SLC5A4: variants seen among roughly 807,000 people sequenced by gnomAD.
SLC5A4 encodes the protein solute carrier family 5 member 4, also known as probable glucose sensor protein SLC5A4.
In SLC5A4, 55 loss-of-function variants were observed where a neutral mutation model predicts 70.3. The ratio of observed to expected loss-of-function variants is 0.78; its 90% confidence interval spans 0.63 to 0.98. SLC5A4 has a LOEUF of 0.98. Ranked by LOEUF, SLC5A4 falls within the 50% of genes least tolerant of loss-of-function variation. SLC5A4 has a pLI of 0.00. For synonymous variants in SLC5A4, 268 were observed against 305.7 expected (o/e 0.88, Z 1.29); for missense variants, 735 against 839.2 (o/e 0.88, Z 1.53).
chr22:32,260,266 G>T (rs1183061425), upstream of SLC5A4, among the ~76,000 whole-genome samples: 2 of 129,960 alleles, frequency 1.5e-5, no homozygotes, highest in Non-Finnish European at 3.2e-5. Flanking sequence ...CAGCAGAGGT[G>T]GGGGTGCTTA....
the SLC5A4 span, among the ~76,000 whole-genome samples, chr22:32,344,966 T>G: frequency 2.0e-5 from 3 of 152,132 alleles, no homozygotes; most frequent in Admixed American, 2.0e-4. Flanking sequence ...TACAGCTAAT[T>G]TAAGAAAAAC....
Position 32,229,088 on chromosome 22 carries a change from A to T in SLC5A4, c.1280+106T>A, listed in dbSNP as rs1483837644. 3.8e-6 allele frequency: 4 copies of T among 1,040,106 alleles called. No homozygotes were observed. In the East Asian group the frequency reaches 9.7e-5, roughly 25 times the overall value. 64.4% of individuals were successfully genotyped at this position (1,040,106 alleles called of 1,614,324 possible). ...ACTCCAATGTCTCTTCCCTCTACCC[A>T]GATGCTATGATTACTTTCACCAAAG... On this transcript the variant is annotated intron_variant, in intron 11 of 14. Coordinates refer to ENST00000266086, the MANE Select transcript of SLC5A4 (RefSeq NM_014227.3).
At chr22:32,304,906 T>G in the SLC5A4 span, among the ~76,000 whole-genome samples, 57 of 152,152 alleles carry the variant, frequency 3.7e-4, no homozygotes, top group African/African-American at 1.3e-3. Context: ...TTTTGTGGAG[T>G]GTAAAGTCTG....
chr22:32,341,676 T>C, the SLC5A4 span, among the ~76,000 whole-genome samples: 1 of 152,224 alleles, frequency 6.6e-6, no homozygotes. Flanking sequence ...TGAGTAATTC[T>C]GAAGTCCTAT....
the SLC5A4 span, among the ~76,000 whole-genome samples, chr22:32,337,851 AGAT>A: frequency 0.16 from 23,883 of 152,200 alleles, 2,287 homozygotes; most frequent in East Asian, 0.47. Flanking sequence ...TTGCCAGCAC[AGAT>A]GATAGGTAAA....
chr22:32,352,676 C>G, the SLC5A4 span, among the ~76,000 whole-genome samples: 1 of 152,278 alleles, frequency 6.6e-6, no homozygotes, highest in East Asian at 1.9e-4. Context: ...TCCGACCTGC[C>G]TTCCCGGCCC....
the SLC5A4 span, among the ~76,000 whole-genome samples, chr22:32,315,274 T>A: frequency 6.6e-6 from 1 of 150,760 alleles, no homozygotes; most frequent in African/African-American, 2.5e-5. Flanking sequence ...CAGAGAAGAA[T>A]GAAACAAAAC....
chr22:32,329,091 G>A, the SLC5A4 span, among the ~76,000 whole-genome samples: 13 of 152,374 alleles, frequency 8.5e-5, no homozygotes, highest in Non-Finnish European at 1.3e-4. Context: ...GTGAGCTGGC[G>A]TCTGGATCAG....
the SLC5A4 span, among the ~76,000 whole-genome samples, chr22:32,292,133 TTATATATTATATTCTATATATTA>T: frequency 4.2e-3 from 154 of 36,914 alleles, 17 homozygotes; most frequent in East Asian, 4.4e-3. Flanking sequence ...ATACTAGATA[TTATATATTATATTCTATATATTA>T]TATATATAAT....
chr22:32,276,714 C>G, the SLC5A4 span: 5 of 152,130 alleles, frequency 3.3e-5, no homozygotes, highest in African/African-American at 1.2e-4. Context: ...AAAATGGAAG[C>G]TGAATCATAA....
chr22:32,237,216 G>A, intron 7 of SLC5A4, 28 bp downstream of exon 7: 1 of 1,528,112 alleles, frequency 6.5e-7, no homozygotes, highest in Non-Finnish European at 9.0e-7. Flanking sequence ...TCCAGGCCCT[G>A]GGCACTGCAC....
chr22:32,325,839 G>A, the SLC5A4 span, among the ~76,000 whole-genome samples: 1 of 152,362 alleles, frequency 6.6e-6, no homozygotes, highest in African/African-American at 2.4e-5. Context: ...AGCTAGCAGT[G>A]GAGCTTGGCC....
the SLC5A4 span, among the ~76,000 whole-genome samples, chr22:32,262,099 TC>T: frequency 6.6e-6 from 1 of 152,354 alleles, no homozygotes; most frequent in African/African-American, 2.4e-5. Flanking sequence ...TGCTTCCACA[TC>T]TTGGCTATTG....
At chr22:32,285,813 T>C in the SLC5A4 span, among the ~76,000 whole-genome samples, 6 of 152,210 alleles carry the variant, frequency 3.9e-5, no homozygotes, top group African/African-American at 1.4e-4. Flanking sequence ...CTCGGCTCAC[T>C]GCAAGCTCCG....
intron 11 of SLC5A4, among the ~76,000 whole-genome samples, chr22:32,226,097 C>T (rs1191193454): frequency 6.6e-6 from 1 of 152,158 alleles, no homozygotes; most frequent in African/African-American, 2.4e-5. Context: ...TGATTAATAA[C>T]TCCAATACAC....
chr22:32,271,088 C>T, the SLC5A4 span: 10 of 586,562 alleles, frequency 1.7e-5, no homozygotes, highest in Admixed American at 1.3e-4. Context: ...GGAGGTGGCC[C>T]GAAGAAGCAG....
At chr22:32,220,526 T>G (rs1163938316) in intron 14 of SLC5A4, among the ~76,000 whole-genome samples, 1 of 152,166 alleles carries the variant, frequency 6.6e-6, no homozygotes, top group East Asian at 1.9e-4. Flanking sequence ...GCTTGGCGCA[T>G]GTGGAAAAGT....
At chr22:32,345,332 A>G in the SLC5A4 span, among the ~76,000 whole-genome samples, 1 of 152,214 alleles carries the variant, frequency 6.6e-6, no homozygotes, top group Admixed American at 6.5e-5. Context: ...GAGAAAAACA[A>G]AGATCATTTC....
chr22:32,296,157 T>C, the SLC5A4 span, among the ~76,000 whole-genome samples: 1 of 13,600 alleles, frequency 7.4e-5, no homozygotes, highest in Admixed American at 1.0e-3. Flanking sequence ...TTTGGTTCCA[T>C]ATGAACTTTA....
Sources: allele counts gnomAD v4.1 joint callset (sites outside exome capture counted in the v4.1 genomes callset), GRCh38; gene constraint gnomAD v4.1.1; transcripts MANE v1.5; gene names NCBI Gene and HGNC (gene_info 2026-07-23, HGNC 2026-07-21).